Variants in LSG1 observed in about 807,000 individuals in gnomAD.
The protein encoded by LSG1 is large 60S subunit nuclear export GTPase 1.
A neutral mutation model predicts 82.6 loss-of-function variants in LSG1; 55 were observed. That is an observed-to-expected ratio of 0.67 (90% CI 0.54 to 0.83). The LOEUF is 0.83. LSG1 is among the 40% of genes least tolerant of loss of function. LSG1 has a pLI of 0.00. For synonymous variants in LSG1, 272 were observed against 282.5 expected (o/e 0.96, Z 0.37); for missense variants, 809 against 807.9 (o/e 1.00, Z -0.02).
At chr3:194,643,800 G>A (rs1256010457) in intron 13 of LSG1, among the ~76,000 whole-genome samples, 2 of 152,088 alleles carry the variant, frequency 1.3e-5, no homozygotes, top group African/African-American at 4.8e-5. Flanking sequence ...CAACCCAAAC[G>A]TCCCTCAAAT....
Position 194,670,146 on chromosome 3 carries a change from A to AC in LSG1, c.100-12dup. 6.2e-7 allele frequency: 1 copy of AC among 1,611,736 alleles called. No homozygotes were observed. On this transcript the variant is annotated splice_polypyrimidine_tract_variant and intron_variant, in intron 1 of 13. Coordinates refer to ENST00000265245, the MANE Select transcript of LSG1 (RefSeq NM_018385.3). ...TTCACTTGTGTGCAACTATGAAAAA[A>AC]CACAGGGTGATAAATACAGCTGCTC...
intron 1 of LSG1, among the ~76,000 whole-genome samples, chr3:194,670,603 T>C (rs563088318): frequency 6.6e-6 from 1 of 152,260 alleles, no homozygotes; most frequent in South Asian, 2.1e-4. Context: ...TACAGTAAAA[T>C]GGCAATAGAA....
At chr3:194,642,474 A>G (rs1718420658) in intron 13 of LSG1, among the ~76,000 whole-genome samples, 1 of 149,490 alleles carries the variant, frequency 6.7e-6, no homozygotes, top group African/African-American at 2.5e-5. Flanking sequence ...CCATACTTTC[A>G]AATGCCATCT....
intron 10 of LSG1, among the ~76,000 whole-genome samples, chr3:194,650,349 TA>T (rs1374606058): frequency 6.6e-6 from 1 of 152,248 alleles, no homozygotes; most frequent in African/African-American, 2.4e-5. Flanking sequence ...GCTTACTAGC[TA>T]TAAGAGCTTA....
intron 8 of LSG1, chr3:194,651,674 GTC>G (rs10575737): frequency 0.19 from 29,382 of 153,976 alleles, 3,107 homozygotes; most frequent in East Asian, 0.43. Flanking sequence ...ATCAATAAGT[GTC>G]TGCAGAATTT....
intron 12 of LSG1, chr3:194,644,950 T>C: frequency 7.4e-6 from 3 of 405,468 alleles, no homozygotes; most frequent in Non-Finnish European, 1.3e-5. Flanking sequence ...GCTCTTCCCA[T>C]GGCGCCCCAG....
At chr3:194,646,449 C>T (rs986110457) in intron 11 of LSG1, 6 of 442,824 alleles carry the variant, frequency 1.4e-5, no homozygotes, top group African/African-American at 1.2e-4. Context: ...CTAAAAATGC[C>T]ACCTAGCACC....
intron 1 of LSG1, among the ~76,000 whole-genome samples, chr3:194,671,624 G>C (rs977469598): frequency 4.6e-5 from 7 of 152,182 alleles, no homozygotes; most frequent in African/African-American, 1.7e-4. Flanking sequence ...TAAACCACTA[G>C]GGGGTGCTTC....
chr3:194,658,786 G>A (rs9817204), intron 7 of LSG1, among the ~76,000 whole-genome samples, 171 bp downstream of exon 7: 23,365 of 152,162 alleles, frequency 0.15, 2,443 homozygotes, highest in East Asian at 0.46. Context: ...CAACCACAGA[G>A]AAAGTAACTT....
rs768873922 is a variant in LSG1 at position 194,644,735 on chromosome 3, C to T, written c.1635G>A (p.Leu545=). Residue 545 remains leucine (L), a synonymous_variant, in exon 13 of 14, where the codon CTG becomes CTA. Transcript: ENST00000265245. ...ILKDYVSGKL[L]YCHPPPGRDP... is the part of the protein sequence containing the mutation. Reference sequence around the variant, plus strand: ...CTCTTCCAGGAGGAGGATGGCAGTACAGCAGCTTACCCTACAAAGACAACA... The same window carrying T: ...CTCTTCCAGGAGGAGGATGGCAGTATAGCAGCTTACCCTACAAAGACAACA... 12 of 1,604,544 alleles carry T rather than the reference C, an allele frequency of 7.5e-6. No homozygotes were observed. The South Asian group carries it at 1.3e-4, about 18-fold the overall frequency.
In LSG1 at chr3:194,642,223, C is replaced by T; in HGVS notation, c.1822G>A (p.Gly608Arg). The T allele has an allele frequency of 6.2e-7, 1 of 1,613,654 alleles. No individual in the cohort carries two copies. ...TTGTAACCCATCACAGCCTGGACTC[C>T]TTTGGTCAAAGCCCTCACATTCTCC... The part of the protein sequence containing the change: ...HQENVRALTK[G>R]VQAVMGYKPG... The change falls in exon 14 of 14, where the codon GGA (glycine) becomes AGA (arginine). Residue 608 changes from glycine (G) to arginine (R), a missense_variant. By Grantham distance (125) the Gly-to-Arg change is moderately radical. Transcript: ENST00000265245.
chr3:194,654,369 T>C (rs1164069637), intron 7 of LSG1, among the ~76,000 whole-genome samples: 1 of 152,342 alleles, frequency 6.6e-6, no homozygotes, highest in East Asian at 1.9e-4. Flanking sequence ...TTGAAAGTGA[T>C]GGAAACCTGG....
intron 2 of LSG1, among the ~76,000 whole-genome samples, chr3:194,668,882 A>G (rs193134790): frequency 1.5e-3 from 223 of 151,206 alleles, no homozygotes; most frequent in African/African-American, 5.3e-3. Flanking sequence ...ATTACAAAAG[A>G]GGGAAATGTT....
chr3:194,645,513 C>CACACACACACACACACACACAG, intron 12 of LSG1: 1 of 52,230 alleles, frequency 1.9e-5, no homozygotes, highest in Non-Finnish European at 4.3e-5. Context: ...CACACACACA[C>CACACACACACACACACACACAG]ACACACACAC....
chr3:194,658,596 C>T (rs1288091521), intron 7 of LSG1, among the ~76,000 whole-genome samples: 1 of 152,208 alleles, frequency 6.6e-6, no homozygotes, highest in African/African-American at 2.4e-5. Flanking sequence ...AGATTCTAAT[C>T]AAGTCCTGAG....
chr3:194,655,771 C>G (rs1718777696), intron 7 of LSG1, among the ~76,000 whole-genome samples: 1 of 152,098 alleles, frequency 6.6e-6, no homozygotes, highest in East Asian at 1.9e-4. Context: ...CTACAGTAAC[C>G]AAAACAGCAT....
At position 194,654,218 on chromosome 3, in the gene LSG1, C is replaced by T. The variant is rs559665070; in HGVS notation, c.760-1076G>A. Among the ~76,000 whole-genome samples, 5 of 152,310 alleles carry T rather than the reference C, an allele frequency of 3.3e-5. No homozygotes were observed. In the South Asian group the frequency reaches 8.3e-4, roughly 25 times the overall value. Reference sequence around the variant, plus strand: ...TGTGAAATGTGGCAGCAAAACTCAACTCCACATGTGGAAATTATTTACTGA... The same window carrying T: ...TGTGAAATGTGGCAGCAAAACTCAATTCCACATGTGGAAATTATTTACTGA... On this transcript the variant is annotated intron_variant, in intron 7 of 13. Transcript: ENST00000265245.
Position 194,652,994 on chromosome 3 carries a change from T to C in LSG1, c.908A>G (p.Asp303Gly), listed in dbSNP as rs765317811. 5 of 1,614,102 alleles carry C rather than the reference T, an allele frequency of 3.1e-6. No homozygotes were observed. The highest frequency in any genetic ancestry group is 1.3e-5 in the African/African-American group (1 of 74,934). Residue 303 changes from aspartate (D) to glycine (G), a missense_variant, in exon 8 of 14, where the codon GAT (aspartate) becomes GGT (glycine). Coordinates refer to ENST00000265245, the MANE Select transcript of LSG1 (RefSeq NM_018385.3). ...TGGACAGTCCTCATACTCACTGTCA[T>C]CTTCATCCGTTGTGGGATTTTCACT... ...SLSENPTTDE[D>G]DSEYEDCPEE...
Position 194,657,458 on chromosome 3 carries a change from G to GT in LSG1, c.759+1498dup, listed in dbSNP as rs58115258. Among the ~76,000 whole-genome samples the GT allele has an allele frequency of 8.6e-3, 1,194 of 139,130 alleles. 23 individuals are homozygous for GT. Among genetic ancestry groups the GT allele is most frequent in the African/African-American group, 0.024 (922 of 37,642 alleles). The allele number at this position is 139,130 out of a possible 152,430, so 91.3% of individuals were successfully genotyped here. A position where few individuals can be genotyped will look rare whatever the true frequency, so the allele number is the denominator to read the frequency against. ...AGATGGGATGAGGTTTGCTTAGTAAGTTTTTTTTTTTTTTTTTTTGATATT... is the reference window on the plus strand; with the variant it reads ...AGATGGGATGAGGTTTGCTTAGTAAGTTTTTTTTTTTTTTTTTTTTGATATT... On this transcript the variant is annotated intron_variant, in intron 7 of 13. Transcript: ENST00000265245.
Sources: gnomAD v4.1 joint callset for allele counts (sites outside exome capture counted in the v4.1 genomes callset) on GRCh38, gnomAD v4.1.1 for gene constraint, MANE v1.5 for transcripts, NCBI Gene and HGNC (gene_info 2026-07-23, HGNC 2026-07-21) for gene names.